Variants in IGFL3 observed in about 807,000 individuals in gnomAD.
The protein encoded by IGFL3 is IGF like family member 3.
A neutral mutation model predicts 17.0 loss-of-function variants in IGFL3; 12 were observed. The observed-to-expected ratio is 0.71, with a 90% CI of 0.45 to 1.14. The LOEUF (loss-of-function observed/expected upper bound fraction) is 1.14, where lower values mean the gene tolerates loss of function less well. Among genes scored for constraint, IGFL3 ranks in the 50% most tolerant of loss-of-function variants. The pLI, the probability that IGFL3 is intolerant of heterozygous loss-of-function variation, is 0.00. For missense variants in IGFL3, 153 were observed against 151.6 expected (o/e 1.01, Z -0.05); for synonymous variants, 52 against 57.4 (o/e 0.91, Z 0.42).
In IGFL3 at chr19:46,123,893, A is replaced by G. The variant is rs1272237045; in HGVS notation, c.343T>C (p.Cys115Arg). The G allele has an allele frequency of 6.2e-7, 1 of 1,610,050 alleles. No homozygotes were observed. The highest frequency in any genetic ancestry group is 8.5e-7 in the Non-Finnish European group (1 of 1,179,028). The change falls in exon 3 of 4, where the codon TGT (cysteine) becomes CGT (arginine). Residue 115 changes from cysteine (C) to arginine (R), a missense_variant. Transcript: ENST00000341415. ...QCHLSPISRS[C>R]TRNRRHVLYP ...CAAGGTAGGGACCTTTACCTGGTACAGCTCCGGGAGATGGGAGATAAGTGA... is the reference window on the plus strand; with the variant it reads ...CAAGGTAGGGACCTTTACCTGGTACGGCTCCGGGAGATGGGAGATAAGTGA...
Position 46,124,268 on chromosome 19 carries a change from C to T in IGFL3, c.79G>A (p.Asp27Asn), listed in dbSNP as rs762315905. ...TCATTTTTCCCTGTCCTGTCCTTAC[C>T]TGTAGTTCCTTTTGAACACTGGAGG... ...FLLQCSKGTT[D>N]APVGSGLWLC... is the part of the protein sequence containing the mutation. Residue 27 changes from aspartate (D) to asparagine (N), a missense_variant and splice_region_variant, in exon 2 of 4, where the codon GAC (aspartate) becomes AAC (asparagine). Coordinates refer to ENST00000341415, the MANE Select transcript of IGFL3 (RefSeq NM_207393.2). The T allele has an allele frequency of 1.9e-6, 3 of 1,610,622 alleles. No homozygotes were observed. The East Asian group carries it at 6.7e-5, about 36-fold the overall frequency.
rs368264797 is a variant in IGFL3, at chr19:46,120,319, G to A, written c.*11C>T. ...CCCTTGTCTGCCGTCTGCCAGTGGA[G>A]CCTGGGGTTTTTATGGGTACAGGAC... On this transcript the variant is annotated 3_prime_UTR_variant, in exon 4 of 4. Coordinates refer to ENST00000341415, the MANE Select transcript of IGFL3 (RefSeq NM_207393.2). 1 of 1,610,786 alleles carries A rather than the reference G, an allele frequency of 6.2e-7. No individual in the cohort carries two copies. Among genetic ancestry groups the A allele is most frequent in the Non-Finnish European group, 8.5e-7 (1 of 1,179,500 alleles).
chr19:46,123,307 C>T (rs1971880973), intron 3 of IGFL3, among the ~76,000 whole-genome samples: 1 of 150,720 alleles, frequency 6.6e-6, no homozygotes, highest in African/African-American at 2.5e-5. Flanking sequence ...TAAAATTCAT[C>T]TTAAAAATAG....
rs367976481 is a variant in IGFL3, at chr19:46,120,288, C to G, written c.*42G>C. 24 of 1,609,918 alleles carry G rather than the reference C, an allele frequency of 1.5e-5. 2 individuals are homozygous for G. In the South Asian group the frequency reaches 1.9e-4, roughly 13 times the overall value. The stretch of plus-strand genomic sequence containing the variant: ...TCTCCGATGTCCAGCTGCTTCGTCT[C>G]TTCTCCCCTTGTCTGCCGTCTGCCA... On this transcript the variant is annotated 3_prime_UTR_variant, in exon 4 of 4. Transcript: ENST00000341415.
rs1471896733 is a variant in IGFL3 at position 46,120,258 on chromosome 19, T to G, written c.*72A>C. 1.2e-6 allele frequency: 2 copies of G among 1,602,508 alleles called. No individual in the cohort carries two copies. Among genetic ancestry groups the G allele is most frequent in the African/African-American group, 2.7e-5 (2 of 73,220 alleles). ...AAGTTGCTTCTCTCCGAAGTTCAACTGTAGTCTCCGATGTCCAGCTGCTTC... is the reference window on the plus strand; with the variant it reads ...AAGTTGCTTCTCTCCGAAGTTCAACGGTAGTCTCCGATGTCCAGCTGCTTC... On this transcript the variant is annotated 3_prime_UTR_variant, in exon 4 of 4. Transcript: ENST00000341415.
At chr19:46,124,402 G>A (rs1476175876) in intron 1 of IGFL3, 81 bp from the exon 2 acceptor site, 1 of 1,423,658 alleles carries the variant, frequency 7.0e-7, no homozygotes, top group Non-Finnish European at 9.8e-7. Context: ...AACAAACAGA[G>A]GTTAGGGTGG....
chr19:46,124,299 G>T lies in IGFL3; in HGVS notation c.48C>A (p.Val16=). 1 of 1,610,732 alleles carries T rather than the reference G, an allele frequency of 6.2e-7. No homozygotes were observed. The highest frequency in any genetic ancestry group is 8.5e-7 in the Non-Finnish European group (1 of 1,179,002). Residue 16 remains valine, a synonymous_variant, in exon 2 of 4, where the codon GTC becomes GTA. Coordinates refer to ENST00000341415, the MANE Select transcript of IGFL3 (RefSeq NM_207393.2). ...TTCCTTTTGAACACTGGAGGAGGAAGACTGTTATCCAGCAGACAAGAGCTA... is the reference window on the plus strand; with the variant it reads ...TTCCTTTTGAACACTGGAGGAGGAATACTGTTATCCAGCAGACAAGAGCTA... ...CILALVCWIT[V]FLLQCSKGTT...
chr19:46,123,680 T>C (rs1028392257), intron 3 of IGFL3, among the ~76,000 whole-genome samples: 2 of 150,680 alleles, frequency 1.3e-5, no homozygotes, highest in African/African-American at 4.9e-5. Context: ...AGATTGTGAG[T>C]TATTTATGCA....
chr19:46,123,322 A>G (rs1971882281), intron 3 of IGFL3, among the ~76,000 whole-genome samples: 1 of 150,946 alleles, frequency 6.6e-6, no homozygotes, highest in South Asian at 2.1e-4. Flanking sequence ...AAATAGAAAC[A>G]AAAGGACTAC....
In IGFL3 at chr19:46,120,968, TAAG is replaced by T. The variant is rs769043549; in HGVS notation, c.351-614_351-612del. Among the ~76,000 whole-genome samples the T allele has an allele frequency of 1.5e-4, 22 of 150,908 alleles. 1 individual carries two copies. Among genetic ancestry groups the T allele is most frequent in the South Asian group, 1.0e-3 (5 of 4,778 alleles). On this transcript the variant is annotated intron_variant, in intron 3 of 3. Transcript: ENST00000341415. ...AAATTAAAAAATTAAAAAATAAACT[TAAG>T]AAGCCTTAGGTTTATTTTTAATTCA...
chr19:46,120,378 A>G (rs1296939775), intron 3 of IGFL3, 21 bp from the exon 4 acceptor site: 9 of 1,610,700 alleles, frequency 5.6e-6, no homozygotes, highest in Middle Eastern at 1.7e-4. Context: ...GCCCCAAATC[A>G]AAGTGTCTTA....
At chr19:46,123,070 T>C (rs987385503) in intron 3 of IGFL3, among the ~76,000 whole-genome samples, 2 of 151,068 alleles carry the variant, frequency 1.3e-5, no homozygotes, top group Non-Finnish European at 2.9e-5. Context: ...TTCTAAAGAT[T>C]GGTATACCAC....
At position 46,124,060 on chromosome 19, in the gene IGFL3, G is replaced by A. The variant is rs1555735425; in HGVS notation, c.176C>T (p.Ala59Val). ...NPSEQCCYDDAILSLKETRRC... is the reference protein window; with the variant it reads ...NPSEQCCYDDVILSLKETRRC... ...GCGGGTCTCCTTTAAGGATAAGATG[G>A]CATCATCATAACAGCACTGCTCTGA... is the stretch of plus-strand genomic sequence containing the variant. The change falls in exon 3 of 4, where the codon GCC becomes GTC. Residue 59 changes from alanine (A) to valine (V), a missense_variant. Ala to Val is a moderately conservative substitution (Grantham distance 64, BLOSUM62 0). Transcript: ENST00000341415. 1 of 1,611,538 alleles carries A rather than the reference G, an allele frequency of 6.2e-7. No individual in the cohort carries two copies. Among genetic ancestry groups the A allele is most frequent in the South Asian group, 1.1e-5 (1 of 90,896 alleles).
At chr19:46,120,419 C>T in intron 3 of IGFL3, 62 bp from the exon 4 acceptor site, 1 of 1,603,658 alleles carries the variant, frequency 6.2e-7, no homozygotes, top group Non-Finnish European at 8.5e-7. Flanking sequence ...AAAATTATCC[C>T]CTACAAAAGC....
At chr19:46,122,566 T>A (rs1347047039) in intron 3 of IGFL3, among the ~76,000 whole-genome samples, 1 of 151,076 alleles carries the variant, frequency 6.6e-6, no homozygotes, top group East Asian at 2.0e-4. Context: ...CAGATTTTTT[T>A]GGTAAAGTTT....
intron 3 of IGFL3, 111 bp from the exon 4 acceptor site, chr19:46,120,468 C>CACCAGTGTGTAGCTTGACTGCT (rs1971699054): frequency 2.7e-6 from 4 of 1,479,350 alleles, no homozygotes; most frequent in Non-Finnish European, 3.7e-6. Flanking sequence ...TTGACTGCTA[C>CACCAGTGTGTAGCTTGACTGCT]ACCAGATGTG....
intron 3 of IGFL3, among the ~76,000 whole-genome samples, chr19:46,122,015 C>T (rs890184373): frequency 6.6e-6 from 1 of 151,146 alleles, no homozygotes; most frequent in South Asian, 2.1e-4. Flanking sequence ...CAAATGACTT[C>T]ATCTATCTTT....
Position 46,124,634 on chromosome 19 carries a change from A to G in IGFL3, c.16T>C (p.Cys6Arg), listed in dbSNP as rs1300411004. ...TTGGGGTCCTACTTGCCCAAGATGC[A>G]GCATCGTGGCCTCATGCTTCCAAAG... Reference protein sequence around the residue: MRPRCCILALVCWITV... With the variant: MRPRCRILALVCWITV... The change falls in exon 1 of 4, where the codon TGC becomes CGC. Residue 6 changes from cysteine (C) to arginine (R), a missense_variant. Coordinates refer to ENST00000341415, the MANE Select transcript of IGFL3 (RefSeq NM_207393.2). 3.7e-6 allele frequency: 6 copies of G among 1,609,242 alleles called. No homozygotes were observed. Among genetic ancestry groups the G allele is most frequent in the Non-Finnish European group, 4.2e-6 (5 of 1,177,956 alleles).
At chr19:46,120,415 A>G (rs1971694752) in intron 3 of IGFL3, 58 bp from the exon 4 acceptor site, 10 of 1,605,842 alleles carry the variant, frequency 6.2e-6, no homozygotes, top group Non-Finnish European at 8.5e-6. Context: ...GGAAAAAATT[A>G]TCCCCTACAA....
Sources: gnomAD v4.1 joint callset for allele counts (sites outside exome capture counted in the v4.1 genomes callset) on GRCh38, gnomAD v4.1.1 for gene constraint, MANE v1.5 for transcripts, NCBI Gene and HGNC (gene_info 2026-07-23, HGNC 2026-07-21) for gene names.